The following WDR83 variants were observed in gnomAD, a reference collection of about 807,000 sequenced individuals.
WDR83 encodes the protein WD repeat domain-containing protein 83.
A neutral mutation model predicts 37.7 loss-of-function variants in WDR83; 37 were observed. The observed-to-expected ratio is 0.98, with a 90% CI of 0.76 to 1.29. The LOEUF (loss-of-function observed/expected upper bound fraction) is 1.29, where lower values mean the gene tolerates loss of function less well. Ranked by LOEUF, WDR83 falls within the 50% of genes most tolerant of loss-of-function variation. The probability of loss-of-function intolerance (pLI) is 0.00; values close to 1 mark genes in which losing one functional copy is unlikely to be tolerated. For missense variants in WDR83, 445 were observed against 414.4 expected (o/e 1.07, Z -0.64); for synonymous variants, 174 against 181.1 (o/e 0.96, Z 0.31).
chr19:12,667,667 A>G (rs2024291234), intron 1 of WDR83, among the ~76,000 whole-genome samples: 1 of 152,148 alleles, frequency 6.6e-6, no homozygotes, highest in Non-Finnish European at 1.5e-5. Context: ...CTCAAAAAAA[A>G]CAAGAATTAA....
intron 1 of WDR83, chr19:12,668,101 T>G: frequency 2.4e-6 from 1 of 416,178 alleles, no homozygotes; most frequent in Non-Finnish European, 4.4e-6. Context: ...TAACAACAGG[T>G]TTCAACGAGA....
intron 7 of WDR83, among the ~76,000 whole-genome samples, chr19:12,671,576 C>T (rs2024418184): frequency 6.6e-6 from 1 of 152,026 alleles, no homozygotes; most frequent in Non-Finnish European, 1.5e-5. Flanking sequence ...GGAGTGAACC[C>T]AGGAGGCAGA....
chr19:12,668,522 G>T lies in WDR83; in HGVS notation c.-142G>T. On this transcript the variant is annotated 5_prime_UTR_variant, in exon 2 of 11. An upstream start codon of the reference 5' UTR is lost. Coordinates refer to ENST00000418543, the MANE Select transcript of WDR83 (RefSeq NM_001099737.3). ...TTGTTCTGTAGGGCAAGTCTCACAT[G>T]AAGCTACTCATCATTTGCTTCGTGT... 2 of 1,614,146 alleles carry T rather than the reference G, an allele frequency of 1.2e-6. No individual in the cohort carries two copies. The highest frequency in any genetic ancestry group is 1.7e-6 in the Non-Finnish European group (2 of 1,180,002).
At position 12,672,990 on chromosome 19, in the gene WDR83, A is replaced by G. The variant is rs1196045954; in HGVS notation, c.575-18A>G. On this transcript the variant is annotated intron_variant, in intron 8 of 10. Coordinates refer to ENST00000418543, the MANE Select transcript of WDR83 (RefSeq NM_001099737.3). ...AGGGGCACCCCACCCTCACTCACCT[A>G]CCCACCCTTCCCCCAAGGCCCCATC... 1.2e-6 allele frequency: 2 copies of G among 1,608,878 alleles called. No homozygotes were observed. Among genetic ancestry groups the G allele is most frequent in the South Asian group, 2.2e-5 (2 of 90,118 alleles).
Position 12,670,389 on chromosome 19 carries a change from G to C in WDR83, c.330+104G>C, listed in dbSNP as rs369478288. 2.2e-5 allele frequency: 34 copies of C among 1,512,538 alleles called. 1 individual carries two copies. The East Asian group carries it at 2.3e-4, about 10-fold the overall frequency. 93.7% of individuals were successfully genotyped at this position (1,512,538 alleles called of 1,614,324 possible). A position where few individuals can be genotyped will look rare whatever the true frequency, so the allele number is the denominator to read the frequency against. On this transcript the variant is annotated intron_variant, in intron 5 of 10. Coordinates refer to ENST00000418543, the MANE Select transcript of WDR83 (RefSeq NM_001099737.3). The stretch of plus-strand genomic sequence containing the variant: ...TTACACCGTAAGGATCCCTTCCCCA[G>C]ATGACGATCCCCCACTCCGCATGCC...
At chr19:12,669,316 A>G in intron 2 of WDR83, 2 of 1,605,722 alleles carry the variant, frequency 1.2e-6, no homozygotes, top group Non-Finnish European at 1.7e-6. Flanking sequence ...ATCCACACCC[A>G]CAACCCGAAC....
At chr19:12,668,441 G>A (rs1483685832) in intron 1 of WDR83, 67 bp from the exon 2 acceptor site, 1 of 1,613,432 alleles carries the variant, frequency 6.2e-7, no homozygotes, top group East Asian at 2.2e-5. Context: ...ACAGGAGAGA[G>A]GTGTCAGTCT....
In WDR83 at chr19:12,672,803, G is replaced by C. The variant is rs1358382108; in HGVS notation, c.507-44G>C. ...AAGGCACAGGGCTGCCTGGAGCCAT[G>C]TGAGTGTAGTCAAGGTTCCCGCTGG... On this transcript the variant is annotated intron_variant, in intron 7 of 10. Transcript: ENST00000418543. 5.7e-5 allele frequency: 89 copies of C among 1,550,172 alleles called. No individual in the cohort carries two copies. The East Asian group carries it at 2.1e-3, about 37-fold the overall frequency.
chr19:12,670,632 C>T (rs368725874), intron 6 of WDR83, 21 bp downstream of exon 6: 1 of 1,614,190 alleles, frequency 6.2e-7, no homozygotes, highest in Non-Finnish European at 8.5e-7. Flanking sequence ...GGCCTAAGCA[C>T]GGGGGCCCAG....
intron 2 of WDR83, chr19:12,669,011 G>A (rs1158665011): frequency 1.9e-6 from 2 of 1,069,792 alleles, no homozygotes; most frequent in African/African-American, 1.6e-5. Context: ...CCCCACTCCC[G>A]GCCGATCTCA....
chr19:12,672,572 C>T lies in WDR83; in HGVS notation c.507-275C>T, dbSNP rs1473453527. 3 of 466,254 alleles carry T rather than the reference C, an allele frequency of 6.4e-6. No homozygotes were observed. The Admixed American group carries it at 1.0e-4, about 16-fold the overall frequency. The allele number at this position is 466,254 out of a possible 1,614,324, so 28.9% of individuals were successfully genotyped here. ...CCGGTGAGCCAAGATCATGCCATTG[C>T]ACTCCAGCCTGAGCAACAAGAGCAA... On this transcript the variant is annotated intron_variant, in intron 7 of 10. Transcript: ENST00000418543.
At chr19:12,673,635 C>T (rs2024487105) in intron 10 of WDR83, among the ~76,000 whole-genome samples, 1 of 152,038 alleles carries the variant, frequency 6.6e-6, no homozygotes, top group Admixed American at 6.6e-5. Flanking sequence ...TCAGGCTGGT[C>T]TTAAACTCCT....
At chr19:12,668,107 C>T (rs761168439) in intron 1 of WDR83, 2 of 462,734 alleles carry the variant, frequency 4.3e-6, no homozygotes, top group East Asian at 3.8e-5. Context: ...CAGGTTTCAA[C>T]GAGAAAGCAA....
intron 10 of WDR83, among the ~76,000 whole-genome samples, chr19:12,674,227 G>A (rs557744048): frequency 2.0e-5 from 3 of 152,304 alleles, no homozygotes; most frequent in Non-Finnish European, 4.4e-5. Flanking sequence ...GGTGAGATAG[G>A]GCTGCAGTCA....
In WDR83 at chr19:12,672,861, G is replaced by A. The variant is rs748283500; in HGVS notation, c.521G>A (p.Arg174His). The change falls in exon 8 of 11, where the codon CGC (arginine) becomes CAC (histidine). Residue 174 changes from arginine (R) to histidine (H), a missense_variant. Transcript: ENST00000418543. Reference sequence around the variant, plus strand: ...CTCTCCTGCAGCTCCGTGGATGGCCGCGTGAGACGCTATGACCTAAGGATG... The same window carrying A: ...CTCTCCTGCAGCTCCGTGGATGGCCACGTGAGACGCTATGACCTAAGGATG... Reference protein sequence around the residue: ...HEILAGSVDGRVRRYDLRMGQ... With the variant: ...HEILAGSVDGHVRRYDLRMGQ... 1.7e-5 allele frequency: 27 copies of A among 1,587,220 alleles called. No homozygotes were observed. Among genetic ancestry groups the A allele is most frequent in the East Asian group, 6.9e-5 (3 of 43,744 alleles).
intron 2 of WDR83, chr19:12,669,037 G>C: frequency 7.5e-7 from 1 of 1,335,978 alleles, no homozygotes; most frequent in Non-Finnish European, 1.1e-6. Flanking sequence ...CGCCCCATCA[G>C]CAATGACAAG....
chr19:12,667,145 T>C (rs904008125), intron 1 of WDR83, among the ~76,000 whole-genome samples, 153 bp downstream of exon 1: 10 of 152,112 alleles, frequency 6.6e-5, no homozygotes, highest in Non-Finnish European at 1.3e-4. Context: ...TGAAGAGTCC[T>C]ATACTGTGGG....
chr19:12,673,653 T>G (rs1323759027), intron 10 of WDR83, among the ~76,000 whole-genome samples: 1 of 151,032 alleles, frequency 6.6e-6, no homozygotes, highest in African/African-American at 2.4e-5. Flanking sequence ...CCTGACCTCA[T>G]GATCCACCCA....
chr19:12,672,698 T>C (rs1361245101), intron 7 of WDR83, 149 bp from the exon 8 acceptor site: 2 of 750,200 alleles, frequency 2.7e-6, no homozygotes, highest in Admixed American at 4.4e-5. Flanking sequence ...AGGACGTAAT[T>C]GGCCCTGGGC....
Sources: gnomAD v4.1 joint callset for allele counts (sites outside exome capture counted in the v4.1 genomes callset) on GRCh38, gnomAD v4.1.1 for gene constraint, MANE v1.5 for transcripts, NCBI Gene and HGNC (gene_info 2026-07-23, HGNC 2026-07-21) for gene names.